The following GSR variants were observed in gnomAD, a reference collection of about 807,000 sequenced individuals.
GSR encodes glutathione-disulfide reductase.
A neutral mutation model predicts 56.5 loss-of-function variants in GSR; 48 were observed. That is an observed-to-expected ratio of 0.85 (90% CI 0.67 to 1.08). The LOEUF (loss-of-function observed/expected upper bound fraction) is 1.08, where lower values mean the gene tolerates loss of function less well. Among genes scored for constraint, GSR ranks in the 50% least tolerant of loss-of-function variants. The pLI is 0.00. For missense variants in GSR, 694 were observed against 703.3 expected, an observed-to-expected ratio of 0.99 and a Z score of 0.15; for synonymous variants, 264 against 270.8, an observed-to-expected ratio of 0.97 and a Z score of 0.25.
At chr8:30,716,587 C>T (rs1233012375) in intron 1 of GSR, among the ~76,000 whole-genome samples, 1 of 152,236 alleles carries the variant, frequency 6.6e-6, no homozygotes. Context: ...GCAGGTGGAT[C>T]GCTTGAGGCC....
intron 6 of GSR, among the ~76,000 whole-genome samples, chr8:30,698,279 A>G: frequency 6.6e-6 from 1 of 152,240 alleles, no homozygotes; most frequent in South Asian, 2.1e-4. Context: ...GATGACATGC[A>G]TAAATGTAAA....
chr8:30,726,861 A>G (rs1437429021), intron 1 of GSR: 3 of 152,146 alleles, frequency 2.0e-5, no homozygotes, highest in African/African-American at 7.2e-5. Context: ...TCCACATAAA[A>G]CCAAGACAAA....
intron 1 of GSR, among the ~76,000 whole-genome samples, chr8:30,719,369 G>A (rs1804452273): frequency 6.6e-6 from 1 of 151,766 alleles, no homozygotes; most frequent in African/African-American, 2.4e-5. Flanking sequence ...GCCCACCTCG[G>A]CCTCCCAAAG....
chr8:30,717,206 C>T (rs563806879), intron 1 of GSR, among the ~76,000 whole-genome samples: 1 of 152,056 alleles, frequency 6.6e-6, no homozygotes, highest in African/African-American at 2.4e-5. Context: ...CATTGCACTC[C>T]AGCCTGGGCA....
Position 30,682,007 on chromosome 8 carries a change from T to A in GSR, c.1208A>T (p.Asp403Val). The A allele has an allele frequency of 6.2e-7, 1 of 1,613,220 alleles. No individual in the cohort carries two copies. The highest frequency in any genetic ancestry group is 8.5e-7 in the Non-Finnish European group (1 of 1,179,162). Reference sequence around the variant, plus strand: ...GATGTTGTTATAATCTAATTTGGAATCTTCCTTATATTCAAAAAGTCGATG... The same window carrying A: ...GATGTTGTTATAATCTAATTTGGAAACTTCCTTATATTCAAAAAGTCGATG... Reference protein sequence around the residue: ...LAHRLFEYKEDSKLDYNNIPT... With the variant: ...LAHRLFEYKEVSKLDYNNIPT... Residue 403 changes from aspartate (D) to valine (V), a missense_variant, in exon 11 of 13, where the codon GAT (aspartate) becomes GTT (valine). By Grantham distance (152) the Asp-to-Val change is radical. Transcript: ENST00000221130.
At chr8:30,723,481 G>A (rs570162795) in intron 1 of GSR, among the ~76,000 whole-genome samples, 1 of 151,012 alleles carries the variant, frequency 6.6e-6, no homozygotes, top group Non-Finnish European at 1.5e-5. Flanking sequence ...AACAGAGGGA[G>A]ACCCTGTCTC....
At position 30,689,923 on chromosome 8, in the gene GSR, GT is replaced by G. The variant is rs201807456; in HGVS notation, c.883-605del. On this transcript the variant is annotated intron_variant, in intron 8 of 12. Coordinates refer to ENST00000221130, the MANE Select transcript of GSR (RefSeq NM_000637.5). Reference sequence around the variant, plus strand: ...TTTTTATTAAATATATGTATTTAATGTTTTTATTAAATATATGTATTAAATA... The same window carrying G: ...TTTTTATTAAATATATGTATTTAATGTTTTATTAAATATATGTATTAAATA... Among the ~76,000 whole-genome samples, 1,112 of 137,292 alleles carry G rather than the reference GT, an allele frequency of 8.1e-3. 13 individuals are homozygous for G. Among genetic ancestry groups the G allele is most frequent in the African/African-American group, 0.028 (1,053 of 37,334 alleles). 90.1% of individuals were successfully genotyped at this position (137,292 alleles called of 152,430 possible).
At chr8:30,717,871 C>A (rs1280254568) in intron 1 of GSR, among the ~76,000 whole-genome samples, 1 of 151,980 alleles carries the variant, frequency 6.6e-6, no homozygotes, top group Non-Finnish European at 1.5e-5. Flanking sequence ...GAGGCCGAGG[C>A]GGGCAATTAC....
At chr8:30,727,159 ACAC>A (rs1804755289) in intron 1 of GSR, 2 of 215,860 alleles carry the variant, frequency 9.3e-6, no homozygotes, top group Non-Finnish European at 1.8e-5. Context: ...CCTCGTCCCT[ACAC>A]ACAGGCCACC....
Position 30,689,143 on chromosome 8 carries a change from C to T in GSR, c.1041+18G>A, listed in dbSNP as rs1803271933. 1 of 1,612,956 alleles carries T rather than the reference C, an allele frequency of 6.2e-7. No homozygotes were observed. Among genetic ancestry groups the T allele is most frequent in the Non-Finnish European group, 8.5e-7 (1 of 1,179,084 alleles). On this transcript the variant is annotated intron_variant, in intron 9 of 12. Coordinates refer to ENST00000221130, the MANE Select transcript of GSR (RefSeq NM_000637.5). ...CTAGTAGATTCACAAATGTTTCGGG[C>T]AGACCAAGCCAGCTTACCAGTTTGT...
rs8190884 is a variant in GSR, at chr8:30,727,711, C to T, written c.125G>A (p.Arg42His). ...EPAALTRALSRAMACRQEPQP... is the reference protein window; with the variant it reads ...EPAALTRALSHAMACRQEPQP... ...CGGCTCCTGCCTGCAGGCCATGGCA[C>T]GGGAGAGGGCGCGCGTGAGGGCCGC... Residue 42 changes from arginine (R) to histidine (H), a missense_variant, in exon 1 of 13, where the codon CGT becomes CAT. Transcript: ENST00000221130. The T allele has an allele frequency of 3.5e-6, 5 of 1,416,658 alleles. No individual in the cohort carries two copies. The highest frequency in any genetic ancestry group is 6.2e-5 in the Admixed American group (2 of 32,406). 87.8% of individuals were successfully genotyped at this position (1,416,658 alleles called of 1,614,324 possible).
At chr8:30,690,725 A>G (rs1444715819) in intron 8 of GSR, among the ~76,000 whole-genome samples, 1 of 152,220 alleles carries the variant, frequency 6.6e-6, no homozygotes. Context: ...GGAATAAAGC[A>G]CTTTGTAATT....
At chr8:30,714,748 G>C (rs1277516216) in intron 1 of GSR, among the ~76,000 whole-genome samples, 1 of 152,048 alleles carries the variant, frequency 6.6e-6, no homozygotes, top group Non-Finnish European at 1.5e-5. Flanking sequence ...GCCCAGGCTG[G>C]TCTTGAACTC....
intron 1 of GSR, among the ~76,000 whole-genome samples, chr8:30,717,815 T>C (rs1409087013): frequency 2.6e-5 from 4 of 152,110 alleles, no homozygotes; most frequent in Non-Finnish European, 2.9e-5. Flanking sequence ...ATAAATGTGA[T>C]GCAGGCTGGG....
At chr8:30,692,389 T>A (rs1252593587) in intron 8 of GSR, among the ~76,000 whole-genome samples, 1 of 149,198 alleles carries the variant, frequency 6.7e-6, no homozygotes, top group East Asian at 2.0e-4. Flanking sequence ...AGAGATGGAG[T>A]TTCTCCATGT....
At chr8:30,713,386 TC>T (rs1804219899) in intron 1 of GSR, among the ~76,000 whole-genome samples, 3 of 150,828 alleles carry the variant, frequency 2.0e-5, no homozygotes. Flanking sequence ...TGAGACTGAG[TC>T]TCACTATATC....
chr8:30,685,946 C>T (rs960820573), intron 9 of GSR, among the ~76,000 whole-genome samples: 1 of 136,640 alleles, frequency 7.3e-6, no homozygotes, highest in Non-Finnish European at 1.5e-5. Flanking sequence ...GAGATGGCAC[C>T]ACTGACTCCA....
chr8:30,686,311 A>G (rs1343148357), intron 9 of GSR, among the ~76,000 whole-genome samples: 2 of 152,002 alleles, frequency 1.3e-5, no homozygotes, highest in Non-Finnish European at 2.9e-5. Context: ...GCACATAGTA[A>G]TCACTCAATT....
chr8:30,706,572 A>G (rs1563538642), intron 4 of GSR, among the ~76,000 whole-genome samples: 1 of 152,196 alleles, frequency 6.6e-6, no homozygotes, highest in African/African-American at 2.4e-5. Context: ...TGAGACCACA[A>G]AGACAAATGA....
Sources: allele counts gnomAD v4.1 joint callset (sites outside exome capture counted in the v4.1 genomes callset), GRCh38; gene constraint gnomAD v4.1.1; transcripts MANE v1.5; gene names NCBI Gene and HGNC (gene_info 2026-07-23, HGNC 2026-07-21).